The following AADACL4 variants were observed in gnomAD, a reference collection of about 807,000 sequenced individuals.
AADACL4 encodes arylacetamide deacetylase like 4.
Under a neutral mutation model 14.1 loss-of-function variants are expected in AADACL4, and 9 were observed. The observed-to-expected ratio is 0.64, with a 90% CI of 0.39 to 1.12. The LOEUF is 1.12. Among genes scored for constraint, AADACL4 ranks in the 50% most tolerant of loss-of-function variants. AADACL4 has a pLI of 0.01. For synonymous variants in AADACL4, 188 were observed against 201.6 expected (o/e 0.93, Z 0.57); for missense variants, 531 against 516.1 (o/e 1.03, Z -0.28).
chr1:12,664,371 T>C (rs546650623), intron 3 of AADACL4, among the ~76,000 whole-genome samples: 2 of 152,018 alleles, frequency 1.3e-5, no homozygotes, highest in Admixed American at 6.5e-5. Context: ...TCTTTTGTTT[T>C]CTTTCTTTTT....
Position 12,651,341 on chromosome 1 carries a change from T to TA in AADACL4, c.385+4dup. On this transcript the variant is annotated splice_region_variant and intron_variant, in intron 2 of 3. Coordinates refer to ENST00000376221, the MANE Select transcript of AADACL4 (RefSeq NM_001013630.2). ...GGGCCACAGTATTTGGGAGCCTGGG[T>TA]AAGGGGCTTCCCTGTGGCTTTGTAG... 1 of 1,613,998 alleles carries TA rather than the reference T, an allele frequency of 6.2e-7. No homozygotes were observed. The highest frequency in any genetic ancestry group is 1.7e-4 in the Middle Eastern group (1 of 5,966).
intron 2 of AADACL4, among the ~76,000 whole-genome samples, chr1:12,659,038 C>A (rs1456129160): frequency 2.0e-5 from 3 of 152,098 alleles, no homozygotes; most frequent in Non-Finnish European, 4.4e-5. Context: ...GATGAGCTTG[C>A]GAATGAACAA....
At chr1:12,651,828 A>ATT (rs34997722) in intron 2 of AADACL4, among the ~76,000 whole-genome samples, 1,371 of 124,142 alleles carry the variant, frequency 0.011, 38 homozygotes, top group African/African-American at 0.034. Context: ...AGCTAGGAGG[A>ATT]TTTTTTTTTT....
chr1:12,658,683 G>C (rs1570432007), intron 2 of AADACL4, among the ~76,000 whole-genome samples: 2 of 140,774 alleles, frequency 1.4e-5, no homozygotes, highest in African/African-American at 5.5e-5. Context: ...CACCCCCGGC[G>C]CTGATGCTGC....
chr1:12,664,034 T>A (rs1647271785), intron 3 of AADACL4, among the ~76,000 whole-genome samples: 1 of 152,194 alleles, frequency 6.6e-6, no homozygotes, highest in South Asian at 2.1e-4. Context: ...ATTCAAGGTA[T>A]AATAGAAGGA....
chr1:12,653,617 G>A (rs1294008226), intron 2 of AADACL4, among the ~76,000 whole-genome samples: 1 of 152,156 alleles, frequency 6.6e-6, no homozygotes, highest in Admixed American at 6.5e-5. Context: ...CTCGTACAAT[G>A]GCTTAGTAAT....
In AADACL4 at chr1:12,666,790, C is replaced by G. The variant is rs550922157; in HGVS notation, c.*55C>G. The G allele has an allele frequency of 1.1e-5, 17 of 1,505,312 alleles. No individual in the cohort carries two copies. The South Asian group carries it at 2.1e-4, about 18-fold the overall frequency. The allele number at this position is 1,505,312 out of a possible 1,614,324, so 93.2% of individuals were successfully genotyped here. On this transcript the variant is annotated 3_prime_UTR_variant, in exon 4 of 4. Coordinates refer to ENST00000376221, the MANE Select transcript of AADACL4 (RefSeq NM_001013630.2). ...GGCAAGTATGGACTCTACCAGAAAC[C>G]GGGTGCTTTAGTGAGTTCTATTTTA...
In AADACL4 at chr1:12,666,486, C is replaced by A; in HGVS notation, c.975C>A (p.Pro325=). 6.2e-6 allele frequency: 10 copies of A among 1,614,152 alleles called. No individual in the cohort carries two copies. Among genetic ancestry groups the A allele is most frequent in the South Asian group, 1.1e-5 (1 of 91,076 alleles). Reference sequence around the variant, plus strand: ...ATATGCTGGATGTAGAAAATTCACCCCTGATAGCAGATGATGAGGTCATCG... The same window carrying A: ...ATATGCTGGATGTAGAAAATTCACCACTGATAGCAGATGATGAGGTCATCG... ...AKHMLDVENS[P]LIADDEVIAQ... is the part of the protein sequence containing the mutation. The change falls in exon 4 of 4, where the codon CCC becomes CCA. Residue 325 remains proline (P), a synonymous_variant. Coordinates refer to ENST00000376221, the MANE Select transcript of AADACL4 (RefSeq NM_001013630.2).
intron 2 of AADACL4, among the ~76,000 whole-genome samples, chr1:12,654,405 A>C (rs139882538): frequency 6.6e-6 from 1 of 152,304 alleles, no homozygotes; most frequent in East Asian, 1.9e-4. Flanking sequence ...TAAAGAGATG[A>C]TCACTGACTG....
Position 12,651,236 on chromosome 1 carries a change from T to G in AADACL4, c.282T>G (p.Phe94Leu). The change falls in exon 2 of 4, where the codon TTT becomes TTG. Residue 94 changes from phenylalanine to leucine, a missense_variant. By Grantham distance (22) the Phe-to-Leu change is conservative. Transcript: ENST00000376221. ...DPELVVTDLR[F>L]GTIPVRLFQP... ...AACTTGTGGTGACCGACCTGCGTTT[T>G]GGGACGATACCCGTGAGGCTGTTCC... 5.6e-6 allele frequency: 9 copies of G among 1,614,254 alleles called. No individual in the cohort carries two copies. Among genetic ancestry groups the G allele is most frequent in the Non-Finnish European group, 7.6e-6 (9 of 1,180,042 alleles).
intron 2 of AADACL4, among the ~76,000 whole-genome samples, chr1:12,661,361 A>G (rs1428107270): frequency 6.6e-6 from 1 of 152,154 alleles, no homozygotes; most frequent in Non-Finnish European, 1.5e-5. Context: ...ATATTGACGG[A>G]CCTGCCTCTG....
chr1:12,651,019 G>A (rs1293047504), intron 1 of AADACL4, 104 bp from the exon 2 acceptor site: 1 of 1,131,320 alleles, frequency 8.8e-7, no homozygotes, highest in East Asian at 2.5e-5. Context: ...CAGGAGGCAG[G>A]TGAGAAACTG....
intron 2 of AADACL4, 68 bp from the exon 3 acceptor site, chr1:12,661,723 T>TG (rs1647231386): frequency 6.7e-7 from 1 of 1,489,832 alleles, no homozygotes; most frequent in Non-Finnish European, 9.4e-7. Context: ...TGGCTCTTCC[T>TG]GGGGGCTGTG....
chr1:12,651,489 T>C, intron 2 of AADACL4, 150 bp downstream of exon 2: 1 of 781,832 alleles, frequency 1.3e-6, no homozygotes. Context: ...CTAAGGGCTT[T>C]GGGCTCAGGT....
Position 12,666,252 on chromosome 1 carries a change from G to A in AADACL4, c.741G>A (p.Lys247=). Residue 247 remains lysine, a synonymous_variant, in exon 4 of 4, where the codon AAG becomes AAA. Coordinates refer to ENST00000376221, the MANE Select transcript of AADACL4 (RefSeq NM_001013630.2). The stretch of plus-strand genomic sequence containing the variant: ...AAAATGTCCCATTACTTTCCCGGAA[G>A]TTCATGGTGACTTCTCTGTGTAACT... ...QNQNVPLLSR[K]FMVTSLCNYL... is the part of the protein sequence containing the mutation. The A allele has an allele frequency of 6.2e-7, 1 of 1,614,254 alleles. No individual in the cohort carries two copies. Among genetic ancestry groups the A allele is most frequent in the Non-Finnish European group, 8.5e-7 (1 of 1,180,056 alleles).
At chr1:12,660,575 A>C (rs1647218567) in intron 2 of AADACL4, among the ~76,000 whole-genome samples, 1 of 152,032 alleles carries the variant, frequency 6.6e-6, no homozygotes. Flanking sequence ...GGGCCTTAAA[A>C]TCACCTGCGA....
Position 12,644,453 on chromosome 1 carries a change from TGGA to T in AADACL4, c.-88_-86del. The T allele has an allele frequency of 7.1e-7, 1 of 1,410,838 alleles. No individual in the cohort carries two copies. The highest frequency in any genetic ancestry group is 9.7e-7 in the Non-Finnish European group (1 of 1,030,222). The allele number at this position is 1,410,838 out of a possible 1,614,324, so 87.4% of individuals were successfully genotyped here. On this transcript the variant is annotated 5_prime_UTR_variant, in exon 1 of 4. Transcript: ENST00000376221. ...CAGGCTTAGCCCAGAGAGAGTGAGG[TGGA>T]GGAGGCGGAGGGTGTAACCCAGCCA... is the stretch of plus-strand genomic sequence containing the variant.
intron 2 of AADACL4, among the ~76,000 whole-genome samples, chr1:12,656,582 A>T (rs1004683994): frequency 6.6e-6 from 1 of 152,210 alleles, no homozygotes; most frequent in Non-Finnish European, 1.5e-5. Flanking sequence ...GCGTCTAAAG[A>T]GTTCACTAAG....
At chr1:12,662,583 G>A (rs1647245781) in intron 3 of AADACL4, among the ~76,000 whole-genome samples, 1 of 152,182 alleles carries the variant, frequency 6.6e-6, no homozygotes, top group African/African-American at 2.4e-5. Flanking sequence ...GGCAGTAGGG[G>A]CTACTCACTA....
Sources: gnomAD v4.1 joint callset for allele counts (sites outside exome capture counted in the v4.1 genomes callset) on GRCh38, gnomAD v4.1.1 for gene constraint, MANE v1.5 for transcripts, NCBI Gene and HGNC (gene_info 2026-07-23, HGNC 2026-07-21) for gene names.